The following SLC10A7 variants were observed in gnomAD, a reference collection of about 807,000 sequenced individuals.
The protein encoded by SLC10A7 is solute carrier family 10 member 7.
A neutral mutation model predicts 43.2 loss-of-function variants in SLC10A7; 29 were observed. The ratio of observed to expected loss-of-function variants is 0.67; its 90% CI spans 0.50 to 0.92. The LOEUF (loss-of-function observed/expected upper bound fraction) is 0.92. Ranked by LOEUF, SLC10A7 falls within the 40% of genes least tolerant of loss-of-function variation. The pLI, the probability that SLC10A7 is intolerant of heterozygous loss-of-function variation, is 0.00. For synonymous variants in SLC10A7, 152 were observed against 144.8 expected, an observed-to-expected ratio of 1.05 and a Z score of -0.35; for missense variants, 295 against 403.2, an observed-to-expected ratio of 0.73 and a Z score of 2.30.
intron 10 of SLC10A7, 64 bp downstream of exon 10, chr4:146,283,128 T>A: frequency 1.5e-6 from 2 of 1,296,484 alleles, no homozygotes; most frequent in Non-Finnish European, 2.2e-6. Context: ...TCTTTGAATA[T>A]CAAAGTCATA....
intron 5 of SLC10A7, among the ~76,000 whole-genome samples, chr4:146,400,046 T>C (rs1739120058): frequency 6.6e-6 from 1 of 152,088 alleles, no homozygotes; most frequent in Non-Finnish European, 1.5e-5. Context: ...CTCTAACATT[T>C]AGAGGTTACA....
At chr4:146,411,959 A>C (rs979944647) in intron 5 of SLC10A7, among the ~76,000 whole-genome samples, 1 of 152,222 alleles carries the variant, frequency 6.6e-6, no homozygotes, top group Non-Finnish European at 1.5e-5. Flanking sequence ...TATTTCACAC[A>C]ATAAAATGAA....
At chr4:146,353,078 A>G (rs1735259665) in intron 5 of SLC10A7, among the ~76,000 whole-genome samples, 1 of 151,730 alleles carries the variant, frequency 6.6e-6, no homozygotes, top group African/African-American at 2.4e-5. Context: ...AAACCCTTCA[A>G]AAAATCAATG....
chr4:146,393,008 A>G (rs1024811636), intron 5 of SLC10A7, among the ~76,000 whole-genome samples: 5 of 151,770 alleles, frequency 3.3e-5, no homozygotes, highest in Non-Finnish European at 7.4e-5. Flanking sequence ...CTCTTAATAA[A>G]TGTTCTCCAC....
intron 5 of SLC10A7, among the ~76,000 whole-genome samples, chr4:146,395,402 CAAAT>C (rs776583988): frequency 3.9e-4 from 60 of 152,066 alleles, no homozygotes; most frequent in Non-Finnish European, 7.9e-4. Flanking sequence ...AAGAAACAAA[CAAAT>C]AAAACCCCCA....
intron 5 of SLC10A7, among the ~76,000 whole-genome samples, chr4:146,343,637 G>A (rs1256994488): frequency 6.6e-6 from 1 of 152,004 alleles, no homozygotes; most frequent in African/African-American, 2.4e-5. Context: ...CTGATTTAAA[G>A]AGAAGTACAG....
chr4:146,380,942 TC>T (rs1254640892), intron 5 of SLC10A7, among the ~76,000 whole-genome samples: 1 of 152,126 alleles, frequency 6.6e-6, no homozygotes, highest in Non-Finnish European at 1.5e-5. Context: ...TTTAAACAGT[TC>T]CAAAGTTTCT....
chr4:146,513,880 C>T (rs191785027), intron 2 of SLC10A7: 45 of 152,160 alleles, frequency 3.0e-4, no homozygotes, highest in Non-Finnish European at 5.7e-4. Context: ...TAAATGCCAT[C>T]ATGAATAATC....
At chr4:146,317,059 A>G (rs990627930) in intron 6 of SLC10A7, among the ~76,000 whole-genome samples, 20 of 152,142 alleles carry the variant, frequency 1.3e-4, no homozygotes, top group African/African-American at 4.8e-4. Context: ...CAATTAAACC[A>G]GAATTTTATA....
At chr4:146,398,388 T>C (rs1017635681) in intron 5 of SLC10A7, among the ~76,000 whole-genome samples, 2 of 152,170 alleles carry the variant, frequency 1.3e-5, no homozygotes, top group Admixed American at 6.6e-5. Context: ...AAGATATAGT[T>C]AGAGAAGTAG....
chr4:146,373,571 T>C (rs987785026), intron 5 of SLC10A7, among the ~76,000 whole-genome samples: 2 of 151,572 alleles, frequency 1.3e-5, no homozygotes, highest in African/African-American at 2.4e-5. Context: ...AAAAGCACCA[T>C]AGTAAAAGCT....
Position 146,264,092 on chromosome 4 carries a change from C to CT in SLC10A7, c.848-5256dup, listed in dbSNP as rs573283716. On this transcript the variant is annotated intron_variant, in intron 10 of 11. Coordinates refer to ENST00000335472, the MANE Select transcript of SLC10A7 (RefSeq NM_001029998.6). ...TCAACTGACATCTGCCAAGTAGCAA[C>CT]TTCAAGTAAGAGCTTTCTTCCTCTA... is the stretch of plus-strand genomic sequence containing the variant. Among the ~76,000 whole-genome samples the CT allele has an allele frequency of 2.8e-3, 428 of 152,360 alleles. 3 individuals are homozygous for CT. The highest frequency in any genetic ancestry group is 0.01 in the African/African-American group (420 of 41,572).
chr4:146,377,853 A>T (rs1737314034), intron 5 of SLC10A7, among the ~76,000 whole-genome samples: 1 of 152,234 alleles, frequency 6.6e-6, no homozygotes, highest in Non-Finnish European at 1.5e-5. Flanking sequence ...TTTGAATAAA[A>T]AAAATACTTT....
intron 9 of SLC10A7, 129 bp from the exon 10 acceptor site, chr4:146,283,394 C>T (rs1449549211): frequency 2.9e-6 from 2 of 696,882 alleles, no homozygotes; most frequent in Non-Finnish European, 5.1e-6. Context: ...AGTAATTCTA[C>T]ACCCAAATGT....
At chr4:146,433,708 T>TA (rs895333738) in intron 5 of SLC10A7, among the ~76,000 whole-genome samples, 10 of 151,670 alleles carry the variant, frequency 6.6e-5, no homozygotes, top group African/African-American at 2.4e-4. Context: ...TCTATAAAAA[T>TA]AAAAAAATTA....
In SLC10A7 at chr4:146,326,005, A is replaced by G. The variant is rs1733078242; in HGVS notation, c.436-9T>C. ...GGTGTTATAACGATGCCCTGAAAGA[A>G]ATAAAAGAGAGGATGATCATTTATC... On this transcript the variant is annotated splice_polypyrimidine_tract_variant and intron_variant, in intron 5 of 11. Coordinates refer to ENST00000335472, the MANE Select transcript of SLC10A7 (RefSeq NM_001029998.6). 1 of 1,610,326 alleles carries G rather than the reference A, an allele frequency of 6.2e-7. No individual in the cohort carries two copies. Among genetic ancestry groups the G allele is most frequent in the African/African-American group, 1.3e-5 (1 of 74,750 alleles).
At chr4:146,510,261 AATT>A (rs1737333372) in intron 2 of SLC10A7, among the ~76,000 whole-genome samples, 3 of 73,738 alleles carry the variant, frequency 4.1e-5, no homozygotes. Flanking sequence ...AAATTTCTTA[AATT>A]TTTTTTTTTT....
At chr4:146,379,800 T>C (rs925206981) in intron 5 of SLC10A7, among the ~76,000 whole-genome samples, 1 of 152,224 alleles carries the variant, frequency 6.6e-6, no homozygotes, top group Non-Finnish European at 1.5e-5. Flanking sequence ...TTGAGTATTA[T>C]ATCAGATATA....
At chr4:146,262,310 T>G (rs371624591) in intron 10 of SLC10A7, among the ~76,000 whole-genome samples, 2 of 152,280 alleles carry the variant, frequency 1.3e-5, no homozygotes, top group African/African-American at 2.4e-5. Flanking sequence ...GGCGATCATT[T>G]GGAAGTGGTG....
Sources: gnomAD v4.1 joint callset for allele counts (sites outside exome capture counted in the v4.1 genomes callset) on GRCh38, gnomAD v4.1.1 for gene constraint, MANE v1.5 for transcripts, NCBI Gene and HGNC (gene_info 2026-07-23, HGNC 2026-07-21) for gene names.